TULP1: variants seen among roughly 807,000 people sequenced by gnomAD.
The protein encoded by TULP1 is TUB like protein 1.
A neutral mutation model predicts 67.1 loss-of-function variants in TULP1; 50 were observed. That is an observed-to-expected ratio of 0.75 (90% CI 0.59 to 0.94). The LOEUF is 0.94. TULP1 is among the 40% of genes least tolerant of loss of function. TULP1 has a pLI of 0.00. For missense variants in TULP1, 746 were observed against 734.1 expected, an observed-to-expected ratio of 1.02 and a Z score of -0.19; for synonymous variants, 297 against 294.0, an observed-to-expected ratio of 1.01 and a Z score of -0.11.
chr6:35,501,614 C>T (rs1760962053), intron 13 of TULP1, among the ~76,000 whole-genome samples: 1 of 141,598 alleles, frequency 7.1e-6, no homozygotes, highest in Non-Finnish European at 1.5e-5. Flanking sequence ...GAGTTCAAGA[C>T]CAACCTGGCC....
rs374822876 is a variant in TULP1 at position 35,503,852 on chromosome 6, C to A, written c.1113-4G>T. 3.1e-6 allele frequency: 5 copies of A among 1,603,786 alleles called. No homozygotes were observed. The highest frequency in any genetic ancestry group is 4.2e-6 in the Non-Finnish European group (5 of 1,177,848). On this transcript the variant is annotated splice_region_variant and splice_polypyrimidine_tract_variant and intron_variant, in intron 11 of 14. Coordinates refer to ENST00000229771, the MANE Select transcript of TULP1 (RefSeq NM_003322.6). The surrounding 1 kb of genome is among the most constrained non-coding windows in gnomAD (Gnocchi z 4.0). ...GCGGTTCCCCAGGAGGTTGGACCTG[C>A]AAGCAGGGTAGAGCTTGGGGTGGGG...
chr6:35,499,209 C>T (rs1768776318), intron 14 of TULP1, among the ~76,000 whole-genome samples: 1 of 152,208 alleles, frequency 6.6e-6, no homozygotes, highest in Admixed American at 6.5e-5. Context: ...GTAACAGGGA[C>T]ACCTTGTTTC....
chr6:35,498,219 C>G lies in TULP1; in HGVS notation c.*108G>C. 6.6e-7 allele frequency: 1 copy of G among 1,513,270 alleles called. No individual in the cohort carries two copies. The highest frequency in any genetic ancestry group is 1.2e-5 in the South Asian group (1 of 82,486). 93.7% of individuals were successfully genotyped at this position (1,513,270 alleles called of 1,614,324 possible). ...AGAGGCAGTGAGAGGTCAGCCCCGACACAGGAGCAGTTTTCCGCGGGAGCT... is the reference window on the plus strand; with the variant it reads ...AGAGGCAGTGAGAGGTCAGCCCCGAGACAGGAGCAGTTTTCCGCGGGAGCT... On this transcript the variant is annotated 3_prime_UTR_variant, in exon 15 of 15. Coordinates refer to ENST00000229771, the MANE Select transcript of TULP1 (RefSeq NM_003322.6). The surrounding 1 kb of genome is among the most constrained non-coding windows in gnomAD (Gnocchi z 6.7).
chr6:35,509,159 G>A, intron 8 of TULP1, 50 bp downstream of exon 8: 2 of 1,545,692 alleles, frequency 1.3e-6, no homozygotes, highest in Non-Finnish European at 1.8e-6. Context: ...CCAGGCCCCT[G>A]CCTCTGCTCC....
intron 8 of TULP1, among the ~76,000 whole-genome samples, chr6:35,506,550 G>A (rs1761092570): frequency 6.6e-6 from 1 of 152,250 alleles, no homozygotes; most frequent in Non-Finnish European, 1.5e-5. Context: ...CATCTGAGAA[G>A]TAGGTATAGT....
At position 35,512,792 on chromosome 6, in the gene TULP1, G is replaced by A. The variant is rs1481124515; in HGVS notation, c.47+20C>T. The A allele has an allele frequency of 2.2e-6, 3 of 1,377,296 alleles. No individual in the cohort carries two copies. The highest frequency in any genetic ancestry group is 1.9e-5 in the Admixed American group (1 of 52,428). The allele number at this position is 1,377,296 out of a possible 1,614,324, so 85.3% of individuals were successfully genotyped here. A position where few individuals can be genotyped will look rare whatever the true frequency, so the allele number is the denominator to read the frequency against. On this transcript the variant is annotated intron_variant, in intron 1 of 14. Transcript: ENST00000229771. ...AGGCCCCCCAGGGTTCAGGTGCCAC[G>A]AACTGGGGGCCTTCCAGACCTGTCA...
At chr6:35,505,944 C>T in intron 10 of TULP1, 59 bp downstream of exon 10, 1 of 1,614,098 alleles carries the variant, frequency 6.2e-7, no homozygotes, top group Non-Finnish European at 8.5e-7. Context: ...CCCGTTTGTC[C>T]CGTGGCCCCC....
At chr6:35,512,522 A>G in intron 2 of TULP1, 117 bp downstream of exon 2, 1 of 1,351,378 alleles carries the variant, frequency 7.4e-7, no homozygotes, top group East Asian at 2.4e-5. Context: ...ATCTCCAGAC[A>G]TGCAACCCCC....
rs112218399 is a variant in TULP1 at position 35,504,992 on chromosome 6, A to G, written c.1112+749T>C. Among the ~76,000 whole-genome samples, 1,212 of 152,246 alleles carry G rather than the reference A, an allele frequency of 8.0e-3. 13 individuals carry two copies. Among genetic ancestry groups the G allele is most frequent in the African/African-American group, 0.026 (1,066 of 41,542 alleles). On this transcript the variant is annotated intron_variant, in intron 11 of 14. Coordinates refer to ENST00000229771, the MANE Select transcript of TULP1 (RefSeq NM_003322.6). Reference sequence around the variant, plus strand: ...GGTCTGTCACCCAGGCTGGAAGTGCAGTGGCATGATCCCAGCTCACTGCAA... The same window carrying G: ...GGTCTGTCACCCAGGCTGGAAGTGCGGTGGCATGATCCCAGCTCACTGCAA...
chr6:35,505,918 G>T (rs1247175069), intron 10 of TULP1, 65 bp from the exon 11 acceptor site: 4 of 1,614,034 alleles, frequency 2.5e-6, no homozygotes, highest in Admixed American at 1.7e-5. Flanking sequence ...GAGGTGAGCT[G>T]CAGGGAGAAA....
intron 2 of TULP1, 80 bp from the exon 3 acceptor site, chr6:35,512,350 G>A: frequency 1.3e-6 from 1 of 798,848 alleles, no homozygotes; most frequent in Non-Finnish European, 1.9e-6. Flanking sequence ...AATCCCTTGA[G>A]CCGCCAGAAA....
chr6:35,501,704 C>T (rs560214192), intron 13 of TULP1, among the ~76,000 whole-genome samples: 1 of 151,852 alleles, frequency 6.6e-6, no homozygotes, highest in Admixed American at 6.6e-5. Context: ...CCCAGCTACT[C>T]GGGAGGCTGA....
At chr6:35,508,304 A>T (rs1367379339) in intron 8 of TULP1, among the ~76,000 whole-genome samples, 1 of 152,240 alleles carries the variant, frequency 6.6e-6, no homozygotes, top group Non-Finnish European at 1.5e-5. Context: ...TTATTCAAAC[A>T]CTTCAGCAGC....
Position 35,498,537 on chromosome 6 carries a change from T to C in TULP1, c.1496-77A>G. On this transcript the variant is annotated intron_variant, in intron 14 of 14. Transcript: ENST00000229771. This position sits in a 1 kb window ranked among gnomAD's most constrained non-coding sequence, Gnocchi z 6.7. ...TCCTGGCAGACAGTGCCCTCAACCTTGGGGGCAGTCTGTCCCTTGCCTTGG... is the reference window on the plus strand; with the variant it reads ...TCCTGGCAGACAGTGCCCTCAACCTCGGGGGCAGTCTGTCCCTTGCCTTGG... 6.2e-7 allele frequency: 1 copy of C among 1,602,040 alleles called. No individual in the cohort carries two copies. The highest frequency in any genetic ancestry group is 1.1e-5 in the South Asian group (1 of 90,294).
chr6:35,504,090 A>T, intron 11 of TULP1: 1 of 479,322 alleles, frequency 2.1e-6, no homozygotes, highest in Non-Finnish European at 3.8e-6. Flanking sequence ...CAGAGGAGGG[A>T]GGATCGCTTG....
intron 4 of TULP1, 129 bp from the exon 5 acceptor site, chr6:35,511,139 AACCGGAG>A: frequency 2.0e-6 from 3 of 1,535,860 alleles, no homozygotes; most frequent in Non-Finnish European, 2.6e-6. Flanking sequence ...CTGAAACAAG[AACCGGAG>A]ACCTGGCACC....
chr6:35,509,453 A>G, intron 7 of TULP1, 141 bp from the exon 8 acceptor site: 1 of 1,089,486 alleles, frequency 9.2e-7, no homozygotes, highest in Non-Finnish European at 1.4e-6. Context: ...AAAAAGGCTA[A>G]GACACCTGCC....
intron 8 of TULP1, among the ~76,000 whole-genome samples, chr6:35,508,251 A>G (rs1761121784): frequency 6.6e-6 from 1 of 152,252 alleles, no homozygotes; most frequent in Admixed American, 6.5e-5. Context: ...AACCTGGGAA[A>G]CAAAAGACTA....
chr6:35,504,600 G>A (rs530625930), intron 11 of TULP1, among the ~76,000 whole-genome samples: 1 of 151,792 alleles, frequency 6.6e-6, no homozygotes, highest in African/African-American at 2.4e-5. Context: ...TCACTCTGTC[G>A]CCCAGGCTGG....
Sources: allele counts gnomAD v4.1 joint callset (sites outside exome capture counted in the v4.1 genomes callset), GRCh38; gene constraint gnomAD v4.1.1; non-coding constraint Gnocchi (gnomAD v3.1); transcripts MANE v1.5; gene names NCBI Gene and HGNC (gene_info 2026-07-23, HGNC 2026-07-21).